Variants in CACNA2D3 observed in about 807,000 individuals in gnomAD.
CACNA2D3 encodes the protein voltage-dependent calcium channel subunit alpha-2/delta-3.
Under a neutral mutation model 160.6 loss-of-function variants are expected in CACNA2D3, and 60 were observed. The observed-to-expected ratio is 0.37, with a 90% confidence interval of 0.30 to 0.46. The LOEUF is 0.46. Among genes scored for constraint, CACNA2D3 ranks in the 20% least tolerant of loss-of-function variants. CACNA2D3 has a pLI of 1.00. For missense variants in CACNA2D3, 1,205 were observed against 1,365.0 expected, an observed-to-expected ratio of 0.88 and a Z score of 1.85; for synonymous variants, 558 against 492.9, an observed-to-expected ratio of 1.13 and a Z score of -1.75.
At chr3:54,303,642 C>CTCTCAGGAGTTGTGCCTG (rs1187000401) in intron 2 of CACNA2D3, among the ~76,000 whole-genome samples, 4 of 152,142 alleles carry the variant, frequency 2.6e-5, no homozygotes, top group Admixed American at 2.6e-4. Context: ...GTTTTCTCAT[C>CTCTCAGGAGTTGTGCCTG]TCTCAGGAGT....
At chr3:54,598,730 C>T (rs909837765) in intron 9 of CACNA2D3, among the ~76,000 whole-genome samples, 3 of 152,130 alleles carry the variant, frequency 2.0e-5, no homozygotes. Flanking sequence ...CATGATTTCA[C>T]AAATATTTAG....
chr3:54,416,431 A>G (rs1296770818), intron 4 of CACNA2D3, among the ~76,000 whole-genome samples: 9 of 152,122 alleles, frequency 5.9e-5, no homozygotes, highest in Non-Finnish European at 8.8e-5. Flanking sequence ...CCTGACATCT[A>G]GTAGCATGTC....
intron 2 of CACNA2D3, among the ~76,000 whole-genome samples, chr3:54,253,679 T>G (rs1244696100): frequency 6.6e-6 from 1 of 152,156 alleles, no homozygotes; most frequent in Non-Finnish European, 1.5e-5. Context: ...AGGAAGTATT[T>G]GTGAGCTTGT....
At chr3:54,462,982 A>G (rs1700536443) in intron 4 of CACNA2D3, among the ~76,000 whole-genome samples, 1 of 145,244 alleles carries the variant, frequency 6.9e-6, no homozygotes, top group Non-Finnish European at 1.5e-5. Flanking sequence ...TGGTGACAAA[A>G]TCTCTCAGCA....
intron 27 of CACNA2D3, among the ~76,000 whole-genome samples, chr3:54,960,188 A>G (rs1437921765): frequency 6.6e-6 from 1 of 152,114 alleles, no homozygotes; most frequent in Admixed American, 6.5e-5. Context: ...AGGGATGGTT[A>G]CAGATTAAAA....
chr3:54,136,057 C>G (rs1008420011), intron 2 of CACNA2D3, among the ~76,000 whole-genome samples: 7 of 152,174 alleles, frequency 4.6e-5, no homozygotes, highest in Non-Finnish European at 1.0e-4. Flanking sequence ...CAGCTGATCT[C>G]CACTGGAAAT....
chr3:54,393,328 A>G (rs1484896432), intron 4 of CACNA2D3, among the ~76,000 whole-genome samples: 1 of 152,146 alleles, frequency 6.6e-6, no homozygotes. Flanking sequence ...TTCCCCAGAG[A>G]AGCAGCTGAC....
intron 4 of CACNA2D3, among the ~76,000 whole-genome samples, chr3:54,417,588 C>G (rs1208261796): frequency 6.6e-6 from 1 of 152,124 alleles, no homozygotes; most frequent in Non-Finnish European, 1.5e-5. Context: ...ATAGCATTAT[C>G]CTAAGGGAAA....
intron 5 of CACNA2D3, among the ~76,000 whole-genome samples, chr3:54,561,632 T>G (rs1167200277): frequency 6.6e-6 from 1 of 152,180 alleles, no homozygotes; most frequent in Non-Finnish European, 1.5e-5. Context: ...GAATTCACCC[T>G]TATTTTTTTA....
At chr3:54,557,605 C>T (rs549828910) in intron 5 of CACNA2D3, among the ~76,000 whole-genome samples, 3 of 152,162 alleles carry the variant, frequency 2.0e-5, no homozygotes, top group South Asian at 2.1e-4. Flanking sequence ...TTTATGACGC[C>T]GACATAATTG....
At chr3:54,667,668 G>A (rs1700091260) in intron 11 of CACNA2D3, among the ~76,000 whole-genome samples, 1 of 152,210 alleles carries the variant, frequency 6.6e-6, no homozygotes, top group African/African-American at 2.4e-5. Flanking sequence ...AATAAGGTCA[G>A]GTGCCGTGGC....
intron 3 of CACNA2D3, among the ~76,000 whole-genome samples, chr3:54,347,318 A>T (rs563324102): frequency 6.6e-6 from 1 of 152,192 alleles, no homozygotes; most frequent in East Asian, 1.9e-4. Flanking sequence ...TCTCTTAACC[A>T]GTGCACTTTC....
chr3:54,318,100 A>G (rs1354880671), intron 2 of CACNA2D3, among the ~76,000 whole-genome samples: 2 of 151,938 alleles, frequency 1.3e-5, no homozygotes, highest in African/African-American at 4.8e-5. Context: ...TAAAATTGCA[A>G]TTACTCTGCA....
rs1443256229 is a variant in CACNA2D3 at position 54,687,121 on chromosome 3, CTTTTTTTTTTTTTGT to C, written c.1167+44894_1167+44908del. Among the ~76,000 whole-genome samples the C allele has an allele frequency of 2.1e-4, 20 of 94,978 alleles. No homozygotes were observed. The East Asian group carries it at 4.9e-3, about 23-fold the overall frequency. The allele number at this position is 94,978 out of a possible 152,430, so 62.3% of individuals were successfully genotyped here. ...AAATCGGATTTTTCTTTTTCTTTTTCTTTTTTTTTTTTTGTTTTTTTTTTTTTTTGTTTTTTTGAC... is the reference window on the plus strand; with the variant it reads ...AAATCGGATTTTTCTTTTTCTTTTTCTTTTTTTTTTTTTTGTTTTTTTGAC... On this transcript the variant is annotated intron_variant, in intron 11 of 37. Transcript: ENST00000474759.
At chr3:54,525,339 A>G (rs1238781497) in intron 5 of CACNA2D3, among the ~76,000 whole-genome samples, 1 of 152,062 alleles carries the variant, frequency 6.6e-6, no homozygotes, top group African/African-American at 2.4e-5. Context: ...TACAATTGTT[A>G]TTTAGTCAAT....
At chr3:54,929,117 G>C (rs1701113970) in intron 27 of CACNA2D3, among the ~76,000 whole-genome samples, 1 of 152,276 alleles carries the variant, frequency 6.6e-6, no homozygotes, top group East Asian at 1.9e-4. Context: ...TCTGGAATCA[G>C]GTGGGTCCAG....
chr3:54,601,852 A>G (rs965692965), intron 9 of CACNA2D3, among the ~76,000 whole-genome samples: 3 of 151,924 alleles, frequency 2.0e-5, no homozygotes, highest in East Asian at 3.9e-4. Flanking sequence ...AAACATGTTT[A>G]TTTTTTGCTG....
chr3:54,886,935 C>CTTTTTTTTTTTTTTTT (rs60899252), intron 23 of CACNA2D3, among the ~76,000 whole-genome samples: 2 of 107,746 alleles, frequency 1.9e-5, no homozygotes, highest in Non-Finnish European at 1.7e-5. Flanking sequence ...CAGCAAAGCT[C>CTTTTTTTTTTTTTTTT]TTTTTTTTTT....
intron 2 of CACNA2D3, among the ~76,000 whole-genome samples, chr3:54,230,596 TGG>T: frequency 6.6e-6 from 1 of 152,318 alleles, no homozygotes; most frequent in South Asian, 2.1e-4. Context: ...TTGGACTCTG[TGG>T]GAGACAGGTT....
Sources: allele counts gnomAD v4.1 joint callset (sites outside exome capture counted in the v4.1 genomes callset), GRCh38; gene constraint gnomAD v4.1.1; transcripts MANE v1.5; gene names NCBI Gene and HGNC (gene_info 2026-07-23, HGNC 2026-07-21).